The following SNTG2 variants were observed in gnomAD, a reference collection of about 807,000 sequenced individuals.
SNTG2 encodes the protein syntrophin gamma 2, also known as gamma-2-syntrophin.
A neutral mutation model predicts 70.9 loss-of-function variants in SNTG2; 74 were observed. That is an observed-to-expected ratio of 1.04 (90% CI 0.86 to 1.27). The LOEUF (loss-of-function observed/expected upper bound fraction) is 1.27. SNTG2 is among the 50% of genes most tolerant of loss of function. The pLI, the probability that SNTG2 is intolerant of heterozygous loss-of-function variation, is 0.00. For synonymous variants in SNTG2, 278 were observed against 273.8 expected (o/e 1.02, Z -0.15); for missense variants, 717 against 690.7 (o/e 1.04, Z -0.43).
rs560104367 is a variant in SNTG2, at chr2:1,101,693, G to A, written c.325+3283G>A. Among the ~76,000 whole-genome samples, 7 of 152,294 alleles carry A rather than the reference G, an allele frequency of 4.6e-5. No individual in the cohort carries two copies. The East Asian group carries it at 1.2e-3, about 25-fold the overall frequency. On this transcript the variant is annotated intron_variant, in intron 4 of 16. Transcript: ENST00000308624. ...GGAGCACAGCGCTGCCAGATAGGGC[G>A]GGATGCAGACAAACCAAATGCGGGG...
intron 8 of SNTG2, among the ~76,000 whole-genome samples, chr2:1,185,756 C>T (rs1242188694): frequency 6.6e-6 from 1 of 152,204 alleles, no homozygotes; most frequent in Non-Finnish European, 1.5e-5. Context: ...TTCTTCCCTC[C>T]AAGACCTCTA....
intron 4 of SNTG2, among the ~76,000 whole-genome samples, chr2:1,114,011 T>C (rs571999767): frequency 2.0e-5 from 3 of 151,936 alleles, no homozygotes; most frequent in East Asian, 2.0e-4. Flanking sequence ...GTTTAACTCT[T>C]ACAGTCCTTT....
At chr2:1,220,640 G>A (rs943947265) in intron 9 of SNTG2, among the ~76,000 whole-genome samples, 14 of 152,218 alleles carry the variant, frequency 9.2e-5, no homozygotes, top group African/African-American at 2.7e-4. Flanking sequence ...TTCTTTTGAC[G>A]ATAGAAGATT....
At chr2:1,268,790 C>A (rs987540387) in intron 14 of SNTG2, among the ~76,000 whole-genome samples, 4 of 152,222 alleles carry the variant, frequency 2.6e-5, no homozygotes, top group African/African-American at 9.6e-5. Flanking sequence ...AGTGAAAGAG[C>A]GTTTCTGGGA....
chr2:1,215,162 G>A (rs750720125), intron 9 of SNTG2, among the ~76,000 whole-genome samples: 7 of 152,128 alleles, frequency 4.6e-5, no homozygotes, highest in African/African-American at 1.2e-4. Context: ...ATGTTTGCAC[G>A]TATGTTCATC....
chr2:1,023,273 A>C (rs1475560134), intron 1 of SNTG2, among the ~76,000 whole-genome samples: 1 of 151,490 alleles, frequency 6.6e-6, no homozygotes, highest in Admixed American at 6.6e-5. Context: ...CGGTCACTTT[A>C]CTCTTGGGCC....
chr2:1,294,265 G>A lies in SNTG2; in HGVS notation c.1285-14229G>A, dbSNP rs143205256. ...AGACCCCAACCCTCAGATCCCATTA[G>A]GGACAGACCCCAACCCTCAGGTCCC... On this transcript the variant is annotated intron_variant, in intron 14 of 16. Coordinates refer to ENST00000308624, the MANE Select transcript of SNTG2 (RefSeq NM_018968.4). Among the ~76,000 whole-genome samples the A allele has an allele frequency of 6.6e-4, 100 of 152,168 alleles. 1 individual carries two copies. The South Asian group carries it at 0.016, about 25-fold the overall frequency.
intron 6 of SNTG2, among the ~76,000 whole-genome samples, chr2:1,156,765 C>T (rs1023739347): frequency 6.6e-5 from 10 of 152,044 alleles, no homozygotes; most frequent in East Asian, 1.9e-4. Flanking sequence ...TCATTTGAGA[C>T]GTGGGTGGCT....
At chr2:1,001,238 A>C (rs1302152669) in intron 1 of SNTG2, among the ~76,000 whole-genome samples, 2 of 152,044 alleles carry the variant, frequency 1.3e-5, no homozygotes, top group African/African-American at 4.8e-5. Flanking sequence ...CACCTCTCCT[A>C]TTCAACATAG....
intron 9 of SNTG2, among the ~76,000 whole-genome samples, chr2:1,231,009 G>A (rs1427160561): frequency 2.0e-5 from 3 of 149,878 alleles, no homozygotes; most frequent in African/African-American, 2.5e-5. Flanking sequence ...TCCGAAAGGT[G>A]AATTACTTAG....
At chr2:1,207,122 G>A (rs1673681395) in intron 8 of SNTG2, among the ~76,000 whole-genome samples, 1 of 152,186 alleles carries the variant, frequency 6.6e-6, no homozygotes. Flanking sequence ...TTCCTACACA[G>A]GTTGCAGTAG....
intron 8 of SNTG2, among the ~76,000 whole-genome samples, chr2:1,191,530 T>G (rs1558512313): frequency 6.6e-6 from 1 of 152,124 alleles, no homozygotes; most frequent in Non-Finnish European, 1.5e-5. Flanking sequence ...GCGTGGTGGC[T>G]CACACCTGTA....
At chr2:1,273,732 T>C (rs1679153125) in intron 14 of SNTG2, among the ~76,000 whole-genome samples, 1 of 151,782 alleles carries the variant, frequency 6.6e-6, no homozygotes, top group South Asian at 2.1e-4. Flanking sequence ...GCATAAAGTC[T>C]TTGTGACCTC....
chr2:1,226,720 C>A (rs999608900), intron 9 of SNTG2, among the ~76,000 whole-genome samples: 1 of 152,150 alleles, frequency 6.6e-6, no homozygotes. Context: ...GTCTCTTATG[C>A]AAAATAGTTA....
At chr2:1,255,853 AATATATATAAATATATATAAAT>A (rs1678042142) in intron 12 of SNTG2, among the ~76,000 whole-genome samples, 21 of 39,552 alleles carry the variant, frequency 5.3e-4, no homozygotes, top group African/African-American at 4.9e-4. Flanking sequence ...AATATATATA[AATATATATAAATATATATAAAT>A]ATATATATAA....
intron 14 of SNTG2, among the ~76,000 whole-genome samples, chr2:1,296,506 C>T (rs893654343): frequency 6.6e-6 from 1 of 152,210 alleles, no homozygotes; most frequent in African/African-American, 2.4e-5. Flanking sequence ...CTCTTCTACC[C>T]GTGTATTAGT....
intron 8 of SNTG2, among the ~76,000 whole-genome samples, chr2:1,190,521 A>G (rs1672526257): frequency 2.2e-5 from 2 of 92,324 alleles, no homozygotes; most frequent in African/African-American, 3.9e-5. Flanking sequence ...ATATATATAT[A>G]TATATATATA....
chr2:1,064,505 A>C (rs1397311591), intron 1 of SNTG2, among the ~76,000 whole-genome samples: 1 of 151,798 alleles, frequency 6.6e-6, no homozygotes, highest in African/African-American at 2.4e-5. Flanking sequence ...GGGGGCTTAT[A>C]GCTATGAAAA....
intron 6 of SNTG2, among the ~76,000 whole-genome samples, chr2:1,149,389 A>G (rs1216634530): frequency 6.6e-6 from 1 of 152,204 alleles, no homozygotes. Flanking sequence ...GAATAGGATT[A>G]GAAAAAAGGA....
Sources: allele counts gnomAD v4.1 joint callset (sites outside exome capture counted in the v4.1 genomes callset), GRCh38; gene constraint gnomAD v4.1.1; transcripts MANE v1.5; gene names NCBI Gene and HGNC (gene_info 2026-07-23, HGNC 2026-07-21).